The following CIMAP1C variants were observed in gnomAD, a reference collection of about 807,000 sequenced individuals.
The protein encoded by CIMAP1C is outer dense fiber of sperm tails 3 like 1.
At chr15:75,726,316 G>A in the CIMAP1C span, 1 of 617,658 alleles carries the variant, frequency 1.6e-6, no homozygotes, top group Admixed American at 2.7e-5. Context: ...CACCGACATT[G>A]CAATGCTGAC....
At chr15:75,725,155 G>A in the CIMAP1C span, 1 of 1,614,110 alleles carries the variant, frequency 6.2e-7, no homozygotes, top group Non-Finnish European at 8.5e-7. Context: ...GGGCTACATA[G>A]ATCATGACAT....
the CIMAP1C span, chr15:75,727,595 C>A: frequency 1.3e-6 from 2 of 1,500,308 alleles, no homozygotes; most frequent in Admixed American, 4.4e-5. Flanking sequence ...TTTTCTACAC[C>A]AAATTGAGCA....
the CIMAP1C span, chr15:75,727,514 C>G: frequency 1.9e-6 from 3 of 1,597,510 alleles, no homozygotes; most frequent in Non-Finnish European, 2.6e-6. Flanking sequence ...CCACCTGTGC[C>G]CACTGGTCAT....
the CIMAP1C span, chr15:75,726,913 C>G: frequency 9.4e-7 from 1 of 1,066,906 alleles, no homozygotes; most frequent in Admixed American, 2.3e-5. Flanking sequence ...CGCGTCCGGC[C>G]TAAGTGACCA....
At chr15:75,725,003 G>A in the CIMAP1C span, 6 of 731,870 alleles carry the variant, frequency 8.2e-6, no homozygotes, top group South Asian at 9.6e-5. Flanking sequence ...TGCGATAGCA[G>A]CAAGAACAAA....
chr15:75,726,402 T>C, the CIMAP1C span, among the ~76,000 whole-genome samples: 1 of 152,190 alleles, frequency 6.6e-6, no homozygotes, highest in African/African-American at 2.4e-5. Context: ...GGAGCTCCTG[T>C]TGTGGATGCA....
chr15:75,724,362 C>A, the CIMAP1C span: 1 of 1,329,970 alleles, frequency 7.5e-7, no homozygotes, highest in Non-Finnish European at 1.1e-6. Flanking sequence ...TCCCCTCTCT[C>A]CAGGACTCCT....
At chr15:75,727,323 C>A in the CIMAP1C span, 1 of 1,614,146 alleles carries the variant, frequency 6.2e-7, no homozygotes, top group Non-Finnish European at 8.5e-7. Flanking sequence ...GGACCTACCA[C>A]GTACGCCCGA....
the CIMAP1C span, among the ~76,000 whole-genome samples, chr15:75,725,441 C>G: frequency 6.6e-6 from 1 of 152,246 alleles, no homozygotes; most frequent in Non-Finnish European, 1.5e-5. Context: ...CCCTGTCCAG[C>G]TGGCACAGCA....
At chr15:75,727,238 C>G in the CIMAP1C span, 24 of 1,614,052 alleles carry the variant, frequency 1.5e-5, no homozygotes, top group Non-Finnish European at 2.0e-5. Flanking sequence ...CCCTGTCAGC[C>G]GAGCTGCTCC....
the CIMAP1C span, among the ~76,000 whole-genome samples, chr15:75,726,639 C>T: frequency 2.0e-5 from 3 of 152,028 alleles, no homozygotes; most frequent in South Asian, 2.1e-4. Flanking sequence ...TTATTTAGAT[C>T]GAGTCTCGCT....
the CIMAP1C span, among the ~76,000 whole-genome samples, chr15:75,724,484 G>A: frequency 2.0e-5 from 3 of 152,258 alleles, no homozygotes; most frequent in Admixed American, 6.5e-5. Context: ...TGTCCAAGTG[G>A]GTGGGGGAGG....
chr15:75,727,408 C>T, the CIMAP1C span: 1 of 1,613,942 alleles, frequency 6.2e-7, no homozygotes, highest in Non-Finnish European at 8.5e-7. Flanking sequence ...CTCTGGACCT[C>T]ACGCCACGGC....
At chr15:75,724,253 A>T in the CIMAP1C span, 2 of 1,614,028 alleles carry the variant, frequency 1.2e-6, no homozygotes, top group Non-Finnish European at 1.7e-6. Context: ...AGCACCCAGA[A>T]AAGGAGCCAT....
At chr15:75,725,349 A>T in the CIMAP1C span, 1 of 705,846 alleles carries the variant, frequency 1.4e-6, no homozygotes, top group Non-Finnish European at 2.5e-6. Flanking sequence ...GGTCCAGAGG[A>T]AGCCAGCGGG....
At chr15:75,726,236 A>G in the CIMAP1C span, 1 of 1,086,454 alleles carries the variant, frequency 9.2e-7, no homozygotes, top group Non-Finnish European at 1.4e-6. Context: ...CACCCTTAGG[A>G]CCTGGGCAGG....
the CIMAP1C span, among the ~76,000 whole-genome samples, chr15:75,726,676 C>T: frequency 0.25 from 38,701 of 151,830 alleles, 5,386 homozygotes; most frequent in South Asian, 0.47. Context: ...AGTGCAGTGG[C>T]GTGATCTCGG....
chr15:75,724,523 C>T, the CIMAP1C span, among the ~76,000 whole-genome samples: 7 of 152,198 alleles, frequency 4.6e-5, no homozygotes, highest in Non-Finnish European at 8.8e-5. Context: ...CAGTGAGGCC[C>T]GCTTTGGAAA....
chr15:75,724,984 TCGTGGCAGTG>T, the CIMAP1C span: 1 of 641,504 alleles, frequency 1.6e-6, no homozygotes, highest in African/African-American at 1.8e-5. Context: ...GATGCTGGGC[TCGTGGCAGTG>T]CGATAGCAGC....
Sources: gnomAD v4.1 joint callset for allele counts (sites outside exome capture counted in the v4.1 genomes callset) on GRCh38, gnomAD v4.1.1 for gene constraint, MANE v1.5 for transcripts, NCBI Gene and HGNC (gene_info 2026-07-23, HGNC 2026-07-21) for gene names.